The following NR2C2 variants were observed in gnomAD, a reference collection of about 807,000 sequenced individuals.
NR2C2 encodes Nuclear hormone receptor TR4.
NR2C2 carries 6 observed loss-of-function variants against 62.9 expected under a neutral mutation model. That is an observed-to-expected ratio of 0.10 (90% CI 0.05 to 0.19). The LOEUF is 0.19. Ranked by LOEUF, NR2C2 falls within the 10% of genes least tolerant of loss-of-function variation. The probability of loss-of-function intolerance (pLI) is 1.00; values close to 1 mark genes in which losing one functional copy is unlikely to be tolerated. For missense variants in NR2C2, 479 were observed against 762.7 expected (o/e 0.63, Z 4.38); for synonymous variants, 272 against 273.8 (o/e 0.99, Z 0.07).
rs1253862157 is a variant in NR2C2 at position 15,034,855 on chromosome 3, G to C, written c.1372+46G>C. The C allele has an allele frequency of 3.2e-6, 5 of 1,549,058 alleles. No homozygotes were observed. The African/African-American group carries it at 4.1e-5, about 13-fold the overall frequency. On this transcript the variant is annotated intron_variant, in intron 11 of 13. Transcript: ENST00000425241. ...GCTGGGGTGTGTCTTGGTTCAGCCT[G>C]GTGGCCATGGAGCAGAGCCCAGCCC... is the stretch of plus-strand genomic sequence containing the variant.
intron 1 of NR2C2, among the ~76,000 whole-genome samples, chr3:14,986,028 C>T (rs945921649): frequency 6.6e-6 from 1 of 152,076 alleles, no homozygotes; most frequent in African/African-American, 2.4e-5. Flanking sequence ...ATTAATTCAG[C>T]AGGTATGCAT....
At chr3:15,026,458 A>C (rs1278662302) in intron 7 of NR2C2, 3 of 152,188 alleles carry the variant, frequency 2.0e-5, no homozygotes, top group Non-Finnish European at 4.4e-5. Context: ...TCGTCACCTC[A>C]GAATAAACCC....
chr3:15,029,758 C>A (rs879296300), intron 8 of NR2C2, among the ~76,000 whole-genome samples: 1 of 151,214 alleles, frequency 6.6e-6, no homozygotes, highest in African/African-American at 2.4e-5. Flanking sequence ...GGTTTGAGAC[C>A]AGCTGAGACC....
At chr3:15,039,481 G>T (rs1444215053) in intron 13 of NR2C2, among the ~76,000 whole-genome samples, 1 of 152,204 alleles carries the variant, frequency 6.6e-6, no homozygotes, top group African/African-American at 2.4e-5. Flanking sequence ...GCTGATTCCA[G>T]TTTTGCTGTG....
chr3:14,979,408 A>G (rs1466413462), intron 1 of NR2C2, among the ~76,000 whole-genome samples: 1 of 152,228 alleles, frequency 6.6e-6, no homozygotes, highest in African/African-American at 2.4e-5. Flanking sequence ...AGTTTTCAAG[A>G]TAAATATTCT....
intron 1 of NR2C2, chr3:14,962,366 G>A (rs1210043010): frequency 6.6e-6 from 1 of 152,612 alleles, no homozygotes; most frequent in South Asian, 2.1e-4. Flanking sequence ...AAGTAGTCTG[G>A]TTTCTCCCCA....
chr3:15,003,584 G>A (rs941117287), intron 1 of NR2C2, among the ~76,000 whole-genome samples: 1 of 152,198 alleles, frequency 6.6e-6, no homozygotes, highest in African/African-American at 2.4e-5. Context: ...TTAAAATGTT[G>A]TTTTGGTAGG....
intron 9 of NR2C2, 50 bp from the exon 10 acceptor site, chr3:15,032,329 A>G: frequency 1.2e-6 from 2 of 1,613,422 alleles, no homozygotes; most frequent in Non-Finnish European, 1.7e-6. Context: ...AGACAAAGCC[A>G]TCCCCTGTCC....
chr3:15,029,833 A>G (rs894756559), intron 8 of NR2C2, among the ~76,000 whole-genome samples: 5 of 122,296 alleles, frequency 4.1e-5, no homozygotes, highest in Admixed American at 1.6e-4. Context: ...AGATAGATAG[A>G]TAGATAGATA....
At chr3:14,976,718 T>C (rs577272151) in intron 1 of NR2C2, among the ~76,000 whole-genome samples, 156 of 151,968 alleles carry the variant, frequency 1.0e-3, no homozygotes, top group Middle Eastern at 0.01. Flanking sequence ...TCATTTACAT[T>C]ACATGGCTAA....
At chr3:14,959,023 C>T (rs915635485) in intron 1 of NR2C2, 2 of 152,234 alleles carry the variant, frequency 1.3e-5, no homozygotes, top group African/African-American at 4.8e-5. Flanking sequence ...GTTTTTCAAA[C>T]TACATCTAGA....
chr3:15,035,096 A>G (rs1360757623), intron 11 of NR2C2, among the ~76,000 whole-genome samples: 1 of 152,154 alleles, frequency 6.6e-6, no homozygotes, highest in Non-Finnish European at 1.5e-5. Flanking sequence ...GTTTGAGACC[A>G]GTCTGGGCAA....
chr3:15,016,919 G>T (rs952895260), intron 4 of NR2C2, among the ~76,000 whole-genome samples: 2 of 152,208 alleles, frequency 1.3e-5, no homozygotes, highest in Non-Finnish European at 1.5e-5. Context: ...AAAAATTCAA[G>T]TGCTGGCCTG....
In NR2C2 at chr3:14,951,754, GT is replaced by G. The variant is rs146614442; in HGVS notation, c.-40+3857del. ...GGATGGCTGGAAGTTTTTTTTGTGT[GT>G]TTTTTTTTGTTTTTGGGAGTCTCGC... is the stretch of plus-strand genomic sequence containing the variant. On this transcript the variant is annotated intron_variant, in intron 1 of 13. Transcript: ENST00000425241. 4.0e-5 allele frequency among the ~76,000 whole-genome samples: 6 copies of G among 150,418 alleles called. No homozygotes were observed. The East Asian group carries it at 9.7e-4, about 24-fold the overall frequency.
intron 1 of NR2C2, among the ~76,000 whole-genome samples, chr3:14,979,393 G>T (rs2040298413): frequency 6.6e-6 from 1 of 152,166 alleles, no homozygotes; most frequent in Non-Finnish European, 1.5e-5. Context: ...ACTAGGCATT[G>T]TTATAGTTTT....
chr3:15,001,327 T>TG (rs1312186474), intron 1 of NR2C2, among the ~76,000 whole-genome samples: 2 of 148,376 alleles, frequency 1.3e-5, no homozygotes, highest in African/African-American at 4.9e-5. Context: ...GGTTTTTTTT[T>TG]TTTTTTTTTT....
At chr3:14,952,673 A>C (rs1162840403) in intron 1 of NR2C2, among the ~76,000 whole-genome samples, 1 of 152,154 alleles carries the variant, frequency 6.6e-6, no homozygotes, top group African/African-American at 2.4e-5. Flanking sequence ...TGCTCCTGTT[A>C]CACATTGTAA....
intron 1 of NR2C2, among the ~76,000 whole-genome samples, chr3:14,949,877 TATACACATAC>T (rs2039296178): frequency 6.6e-6 from 1 of 152,248 alleles, no homozygotes. Flanking sequence ...TAGAGATATT[TATACACATAC>T]ATACACAGAC....
Position 15,048,965 on chromosome 3 carries a change from T to C in NR2C2, c.*5957T>C, listed in dbSNP as rs936035742. 5 of 152,694 alleles carry C rather than the reference T, an allele frequency of 3.3e-5. No individual in the cohort carries two copies. The highest frequency in any genetic ancestry group is 1.3e-4 in the Admixed American group (2 of 15,294). The allele number at this position is 152,694 out of a possible 1,614,324, so 9.5% of individuals were successfully genotyped here. ...AGAAAATATTGGTTTTGCCATTACATTTTAATGCCAGGTTTAAAACCTGTT... is the reference window on the plus strand; with the variant it reads ...AGAAAATATTGGTTTTGCCATTACACTTTAATGCCAGGTTTAAAACCTGTT... On this transcript the variant is annotated 3_prime_UTR_variant, in exon 14 of 14. Transcript: ENST00000425241.
Sources: gnomAD v4.1 joint callset for allele counts (sites outside exome capture counted in the v4.1 genomes callset) on GRCh38, gnomAD v4.1.1 for gene constraint, MANE v1.5 for transcripts, NCBI Gene and HGNC (gene_info 2026-07-23, HGNC 2026-07-21) for gene names.